The following SLC5A4 variants were observed in gnomAD, a reference collection of about 807,000 sequenced individuals.
SLC5A4 encodes the protein probable glucose sensor protein SLC5A4.
SLC5A4 carries 55 observed loss-of-function variants against 70.3 expected under a neutral mutation model. That is an observed-to-expected ratio of 0.78 (90% CI 0.63 to 0.98). The LOEUF (loss-of-function observed/expected upper bound fraction) is 0.98. SLC5A4 is among the 50% of genes least tolerant of loss of function. The pLI, the probability that SLC5A4 is intolerant of heterozygous loss-of-function variation, is 0.00. For synonymous variants in SLC5A4, 268 were observed against 305.7 expected, an observed-to-expected ratio of 0.88 and a Z score of 1.29; for missense variants, 735 against 839.2, an observed-to-expected ratio of 0.88 and a Z score of 1.53.
the SLC5A4 span, among the ~76,000 whole-genome samples, chr22:32,351,759 T>TA: frequency 1.2e-4 from 1 of 8,438 alleles, no homozygotes. Context: ...GGGGGGGGGG[T>TA]GGGCGGGTGG....
the SLC5A4 span, among the ~76,000 whole-genome samples, chr22:32,311,325 G>A: frequency 6.6e-6 from 1 of 152,180 alleles, no homozygotes; most frequent in East Asian, 1.9e-4. Flanking sequence ...GATGAAATGA[G>A]GAAACTGGGT....
chr22:32,269,347 G>T, the SLC5A4 span: 1 of 331,354 alleles, frequency 3.0e-6, no homozygotes, highest in South Asian at 3.4e-5. The surrounding 1 kb of genome is among the most constrained non-coding windows in gnomAD (Gnocchi z 4.1). Context: ...TCCGTATTTT[G>T]ATTCCATAGG....
At chr22:32,288,164 A>G in the SLC5A4 span, among the ~76,000 whole-genome samples, 7 of 152,064 alleles carry the variant, frequency 4.6e-5, no homozygotes, top group African/African-American at 1.4e-4. Context: ...AAGACCCTCA[A>G]TTTCAAGCTG....
chr22:32,341,451 CCT>C, the SLC5A4 span, among the ~76,000 whole-genome samples: 1 of 152,198 alleles, frequency 6.6e-6, no homozygotes, highest in Non-Finnish European at 1.5e-5. Flanking sequence ...GCCGGGATGA[CCT>C]TTCCCCACTT....
upstream of SLC5A4, among the ~76,000 whole-genome samples, chr22:32,259,142 TCTG>T (rs1927625775): frequency 2.6e-5 from 4 of 152,204 alleles, no homozygotes; most frequent in Admixed American, 2.0e-4. Flanking sequence ...GTGGCAGAGA[TCTG>T]CTGTACACCA....
At chr22:32,280,502 C>T in the SLC5A4 span, among the ~76,000 whole-genome samples, 1 of 152,136 alleles carries the variant, frequency 6.6e-6, no homozygotes, top group Admixed American at 6.5e-5. Flanking sequence ...ATGCAAAAAG[C>T]CCCCTCACCC....
chr22:32,351,403 TTTTA>T, the SLC5A4 span, among the ~76,000 whole-genome samples: 135 of 152,042 alleles, frequency 8.9e-4, 2 homozygotes, highest in South Asian at 0.017. Context: ...GACCGATCAT[TTTTA>T]AAATACAACA....
chr22:32,243,970 T>C lies in SLC5A4; in HGVS notation c.477+3441A>G, dbSNP rs1245300633. 2.6e-5 allele frequency among the ~76,000 whole-genome samples: 4 copies of C among 152,194 alleles called. No homozygotes were observed. The East Asian group carries it at 5.8e-4, about 22-fold the overall frequency. ...TGCCACTGCACTCCAGCCTGGAAGA[T>C]AGAGTGAGACTCTGTCTCTGTTTCT... On this transcript the variant is annotated intron_variant, in intron 5 of 14. Transcript: ENST00000266086.
chr22:32,301,598 T>C, the SLC5A4 span, among the ~76,000 whole-genome samples: 1 of 152,186 alleles, frequency 6.6e-6, no homozygotes, highest in African/African-American at 2.4e-5. Context: ...CTTACCAAAT[T>C]GATCTATAAA....
chr22:32,287,978 A>G, the SLC5A4 span, among the ~76,000 whole-genome samples: 3 of 150,972 alleles, frequency 2.0e-5, no homozygotes, highest in Non-Finnish European at 4.4e-5. Context: ...GATGGAGAGC[A>G]CTAGGCAGTT....
the SLC5A4 span, among the ~76,000 whole-genome samples, chr22:32,309,362 CTCT>C: frequency 1.3e-5 from 2 of 152,080 alleles, no homozygotes; most frequent in East Asian, 1.9e-4. Context: ...ACATCTTATC[CTCT>C]TGTGTTTTTT....
chr22:32,335,975 G>T, the SLC5A4 span, among the ~76,000 whole-genome samples: 1 of 152,234 alleles, frequency 6.6e-6, no homozygotes, highest in Non-Finnish European at 1.5e-5. Flanking sequence ...GTTCCAACAA[G>T]CATCTATTCT....
intron 14 of SLC5A4, 144 bp from the exon 15 acceptor site, chr22:32,218,869 A>G: frequency 1.6e-6 from 1 of 619,580 alleles, no homozygotes; most frequent in Non-Finnish European, 2.7e-6. Flanking sequence ...AATGTAGATA[A>G]ATTTAATCAT....
At chr22:32,351,759 T>TGGGGGGAGGGTGGGGGGGG in the SLC5A4 span, among the ~76,000 whole-genome samples, 3 of 8,438 alleles carry the variant, frequency 3.6e-4, no homozygotes, top group African/African-American at 9.9e-4. Context: ...GGGGGGGGGG[T>TGGGGGGAGGGTGGGGGGGG]GGGCGGGTGG....
At chr22:32,223,642 G>A (rs1954237524) in intron 13 of SLC5A4, among the ~76,000 whole-genome samples, 1 of 152,130 alleles carries the variant, frequency 6.6e-6, no homozygotes, top group South Asian at 2.1e-4. Flanking sequence ...CAGCTCTGCT[G>A]TGAAGTCTTT....
At chr22:32,301,103 C>T in the SLC5A4 span, among the ~76,000 whole-genome samples, 1 of 152,274 alleles carries the variant, frequency 6.6e-6, no homozygotes, top group East Asian at 1.9e-4. Flanking sequence ...GCTGGGCTTA[C>T]AGGCGCCCAC....
chr22:32,340,947 G>A, the SLC5A4 span, among the ~76,000 whole-genome samples: 5 of 152,170 alleles, frequency 3.3e-5, no homozygotes, highest in East Asian at 5.8e-4. Flanking sequence ...CAAAGACGAC[G>A]GACAAGGAGG....
chr22:32,304,856 T>TC, the SLC5A4 span, among the ~76,000 whole-genome samples: 3 of 151,770 alleles, frequency 2.0e-5, no homozygotes, highest in Middle Eastern at 3.4e-3. Context: ...TACAGTTTTT[T>TC]TTTCTTTTTC....
At chr22:32,239,548 A>ATT (rs1926306659) in intron 5 of SLC5A4, among the ~76,000 whole-genome samples, 3 of 15,236 alleles carry the variant, frequency 2.0e-4, no homozygotes, top group East Asian at 1.2e-3. Flanking sequence ...ATATATATAT[A>ATT]TATATATATA....
Sources: allele counts gnomAD v4.1 joint callset (sites outside exome capture counted in the v4.1 genomes callset), GRCh38; gene constraint gnomAD v4.1.1; non-coding constraint Gnocchi (gnomAD v3.1); transcripts MANE v1.5; gene names NCBI Gene and HGNC (gene_info 2026-07-23, HGNC 2026-07-21).